FHIT: variants seen among roughly 807,000 people sequenced by gnomAD.
FHIT encodes fragile histidine triad diadenosine triphosphatase.
Under a neutral mutation model 17.9 loss-of-function variants are expected in FHIT, and 19 were observed. That is an observed-to-expected ratio of 1.06 (90% CI 0.74 to 1.56). The LOEUF is 1.56. FHIT is among the 40% of genes most tolerant of loss of function. FHIT has a pLI of 0.00. For synonymous variants in FHIT, 81 were observed against 69.7 expected (o/e 1.16, Z -0.81); for missense variants, 248 against 189.2 (o/e 1.31, Z -1.82).
chr3:60,963,029 G>A (rs1709539512), intron 3 of FHIT, among the ~76,000 whole-genome samples: 1 of 152,154 alleles, frequency 6.6e-6, no homozygotes, highest in African/African-American at 2.4e-5. Context: ...TGTACCTCCG[G>A]TAGAATTCGG....
At chr3:60,084,510 T>C (rs1703419194) in intron 5 of FHIT, among the ~76,000 whole-genome samples, 1 of 152,130 alleles carries the variant, frequency 6.6e-6, no homozygotes, top group Non-Finnish European at 1.5e-5. Flanking sequence ...TTATATAAGC[T>C]AAAATTGTAA....
intron 5 of FHIT, among the ~76,000 whole-genome samples, chr3:60,292,987 A>G (rs1200451965): frequency 6.6e-6 from 1 of 152,168 alleles, no homozygotes; most frequent in African/African-American, 2.4e-5. Flanking sequence ...AACATTCTCC[A>G]TAGCAACACT....
At chr3:60,106,603 G>A (rs1427624167) in intron 5 of FHIT, among the ~76,000 whole-genome samples, 1 of 152,122 alleles carries the variant, frequency 6.6e-6, no homozygotes, top group East Asian at 1.9e-4. Context: ...TGTGGATAAG[G>A]GGGTACTGTT....
chr3:60,806,115 G>C (rs1240155829), intron 4 of FHIT, among the ~76,000 whole-genome samples: 1 of 152,158 alleles, frequency 6.6e-6, no homozygotes, highest in East Asian at 1.9e-4. Context: ...TCAGAAAATG[G>C]AAACAAATGT....
chr3:59,885,946 G>A (rs1360265079), intron 8 of FHIT, among the ~76,000 whole-genome samples: 3 of 152,190 alleles, frequency 2.0e-5, no homozygotes, highest in African/African-American at 7.2e-5. Context: ...CTGGCCCTAA[G>A]AGAAGCTAAT....
chr3:59,785,497 C>T (rs1415264470), intron 8 of FHIT, among the ~76,000 whole-genome samples: 1 of 151,858 alleles, frequency 6.6e-6, no homozygotes, highest in East Asian at 1.9e-4. Flanking sequence ...TTTTGGTAGA[C>T]GTGGGGTTTT....
At position 60,946,620 on chromosome 3, in the gene FHIT, T is replaced by C. The variant is rs782358685; in HGVS notation, c.-111+95427A>G. On this transcript the variant is annotated intron_variant, in intron 3 of 9. Coordinates refer to ENST00000492590, the MANE Select transcript of FHIT (RefSeq NM_002012.4). The stretch of plus-strand genomic sequence containing the variant: ...AGACAGGGCGCTGGGGGGAACGTCT[T>C]CAATAAATACAGAGGAGTAGGCTGT... Among the ~76,000 whole-genome samples, 20 of 152,200 alleles carry C rather than the reference T, an allele frequency of 1.3e-4. No individual in the cohort carries two copies. In the Middle Eastern group the frequency reaches 0.017, roughly 129 times the overall value.
chr3:60,620,944 C>T (rs2039107042), intron 4 of FHIT, among the ~76,000 whole-genome samples: 1 of 151,900 alleles, frequency 6.6e-6, no homozygotes, highest in Non-Finnish European at 1.5e-5. Flanking sequence ...TTCTGTAAAC[C>T]TAAAATTGTT....
chr3:60,337,842 T>C (rs983889560), intron 5 of FHIT, among the ~76,000 whole-genome samples: 7 of 152,074 alleles, frequency 4.6e-5, no homozygotes, highest in African/African-American at 1.7e-4. Context: ...GAAAATCCCA[T>C]AAAGAAAACA....
intron 2 of FHIT, among the ~76,000 whole-genome samples, chr3:61,157,740 A>G (rs984239047): frequency 1.2e-4 from 18 of 152,194 alleles, no homozygotes; most frequent in Admixed American, 7.2e-4. Context: ...ACTTTCTCAC[A>G]TATGTACCAG....
intron 4 of FHIT, among the ~76,000 whole-genome samples, chr3:60,749,286 A>C (rs1553716209): frequency 7.0e-6 from 1 of 143,602 alleles, no homozygotes; most frequent in Admixed American, 6.9e-5. Context: ...TATTAGTCAA[A>C]TAAGAGAAGC....
At chr3:60,403,732 C>T (rs1435752082) in intron 5 of FHIT, among the ~76,000 whole-genome samples, 1 of 152,152 alleles carries the variant, frequency 6.6e-6, no homozygotes, top group Non-Finnish European at 1.5e-5. Flanking sequence ...GATTAGATCA[C>T]ATTTTTTGTC....
intron 2 of FHIT, among the ~76,000 whole-genome samples, chr3:61,080,407 C>A (rs1487738263): frequency 1.3e-5 from 2 of 151,932 alleles, no homozygotes; most frequent in Non-Finnish European, 2.9e-5. Flanking sequence ...CTTTTACCAG[C>A]CTTAGGAAAA....
intron 5 of FHIT, among the ~76,000 whole-genome samples, chr3:60,247,891 C>T (rs979221567): frequency 3.3e-5 from 5 of 152,134 alleles, no homozygotes; most frequent in Non-Finnish European, 5.9e-5. Context: ...GAAATGTTAA[C>T]TCTTTTTGTT....
intron 5 of FHIT, among the ~76,000 whole-genome samples, chr3:60,043,383 T>C (rs3856665): frequency 0.36 from 54,483 of 151,902 alleles, 10,722 homozygotes; most frequent in Middle Eastern, 0.55. Flanking sequence ...CTACGAACTG[T>C]ACTTTTTTTC....
At chr3:61,015,390 T>C (rs928601719) in intron 3 of FHIT, among the ~76,000 whole-genome samples, 3 of 152,206 alleles carry the variant, frequency 2.0e-5, no homozygotes, top group Non-Finnish European at 4.4e-5. Context: ...TCCCTGGATC[T>C]AGTGACTTGT....
intron 5 of FHIT, among the ~76,000 whole-genome samples, chr3:60,188,035 C>T (rs1702232555): frequency 6.6e-6 from 1 of 151,940 alleles, no homozygotes; most frequent in Admixed American, 6.6e-5. Context: ...AATGATGCAC[C>T]TGTATTACAC....
At chr3:59,909,277 C>T (rs1409782238) in intron 8 of FHIT, among the ~76,000 whole-genome samples, 2 of 151,980 alleles carry the variant, frequency 1.3e-5, no homozygotes, top group African/African-American at 4.8e-5. Context: ...CATGATCCGC[C>T]TGCCTTGGCC....
intron 5 of FHIT, among the ~76,000 whole-genome samples, chr3:60,488,662 T>C (rs2033941339): frequency 6.6e-6 from 1 of 152,152 alleles, no homozygotes; most frequent in South Asian, 2.1e-4. Flanking sequence ...ATTACCAGTG[T>C]GACTAAACAG....
Sources: gnomAD v4.1 joint callset for allele counts (sites outside exome capture counted in the v4.1 genomes callset) on GRCh38, gnomAD v4.1.1 for gene constraint, MANE v1.5 for transcripts, NCBI Gene and HGNC (gene_info 2026-07-23, HGNC 2026-07-21) for gene names.